The following GTSF1 variants were observed in gnomAD, a reference collection of about 807,000 sequenced individuals.
The protein encoded by GTSF1 is gametocyte specific factor 1.
GTSF1 carries 11 observed loss-of-function variants against 28.9 expected under a neutral mutation model. That is an observed-to-expected ratio of 0.38 (90% CI 0.24 to 0.63). GTSF1 has a LOEUF of 0.63. Among genes scored for constraint, GTSF1 ranks in the 30% least tolerant of loss-of-function variants. GTSF1 has a pLI of 0.56. For missense variants in GTSF1, 146 were observed against 201.0 expected (o/e 0.73, Z 1.66); for synonymous variants, 69 against 65.6 (o/e 1.05, Z -0.25).
At chr12:54,460,914 T>G (rs920678961) in intron 6 of GTSF1, among the ~76,000 whole-genome samples, 4 of 152,242 alleles carry the variant, frequency 2.6e-5, no homozygotes, top group African/African-American at 9.6e-5. Context: ...TAGTATACAC[T>G]TAAAATTATT....
chr12:54,459,283 C>A, intron 7 of GTSF1, 158 bp from the exon 8 acceptor site: 1 of 1,435,858 alleles, frequency 7.0e-7, no homozygotes. Context: ...CATTCAAGAG[C>A]ATGGGAAAAG....
chr12:54,459,031 G>T, intron 8 of GTSF1, 58 bp downstream of exon 8: 4 of 1,234,218 alleles, frequency 3.2e-6, no homozygotes, highest in Non-Finnish European at 4.6e-6. Flanking sequence ...ATTGCTTTAT[G>T]TCCAGTTAAA....
At chr12:54,471,170 T>C (rs2120805158) in intron 2 of GTSF1, 63 bp downstream of exon 2, 3 of 1,312,504 alleles carry the variant, frequency 2.3e-6, no homozygotes, top group East Asian at 5.2e-5. Context: ...AAAAGTCTTG[T>C]CAGATATAAA....
At chr12:54,472,445 CAG>C (rs1199604556) in intron 1 of GTSF1, 1 of 152,186 alleles carries the variant, frequency 6.6e-6, no homozygotes, top group Non-Finnish European at 1.5e-5. Flanking sequence ...TTATGGATAA[CAG>C]AGTCACAAGA....
chr12:54,465,268 T>C, intron 2 of GTSF1, 101 bp from the exon 3 acceptor site: 4 of 654,592 alleles, frequency 6.1e-6, no homozygotes, highest in South Asian at 1.9e-5. Flanking sequence ...TCTGTAATAA[T>C]AGAACAATAT....
intron 3 of GTSF1, among the ~76,000 whole-genome samples, chr12:54,464,504 CA>C (rs1956477919): frequency 6.6e-6 from 1 of 152,016 alleles, no homozygotes; most frequent in Admixed American, 6.6e-5. Flanking sequence ...ACAACATTGT[CA>C]AAATGTCTCA....
At chr12:54,463,730 T>A (rs774899853) in intron 3 of GTSF1, among the ~76,000 whole-genome samples, 3 of 152,158 alleles carry the variant, frequency 2.0e-5, no homozygotes, top group Admixed American at 6.5e-5. Context: ...TGCAGTAGTG[T>A]CCCTGCTATT....
At chr12:54,471,970 G>A (rs916916402) in intron 1 of GTSF1, 12 of 152,324 alleles carry the variant, frequency 7.9e-5, no homozygotes, top group African/African-American at 2.4e-4. Flanking sequence ...GCAAAGGCAG[G>A]CAGATCACTT....
intron 8 of GTSF1, among the ~76,000 whole-genome samples, chr12:54,457,389 T>C (rs1956349888): frequency 6.6e-6 from 1 of 152,226 alleles, no homozygotes; most frequent in Non-Finnish European, 1.5e-5. Flanking sequence ...TTGTATAGCA[T>C]ATCAGAGAGG....
intron 6 of GTSF1, 116 bp from the exon 7 acceptor site, chr12:54,460,587 C>G (rs1956406178): frequency 1.5e-6 from 1 of 662,890 alleles, no homozygotes; most frequent in Non-Finnish European, 2.7e-6. Context: ...CTACATTCAT[C>G]TGAAATGTAA....
At chr12:54,471,502 C>T (rs529432172) in intron 1 of GTSF1, among the ~76,000 whole-genome samples, 2 of 152,126 alleles carry the variant, frequency 1.3e-5, no homozygotes, top group South Asian at 2.1e-4. Context: ...CTAGGGCCTA[C>T]CAAATAGTTA....
At chr12:54,465,406 T>C (rs1262189963) in intron 2 of GTSF1, among the ~76,000 whole-genome samples, 2 of 152,154 alleles carry the variant, frequency 1.3e-5, no homozygotes, top group Non-Finnish European at 2.9e-5. Flanking sequence ...ACTGAACATA[T>C]TGTTTTTGTT....
chr12:54,460,544 T>A, intron 6 of GTSF1, 73 bp from the exon 7 acceptor site: 1 of 989,938 alleles, frequency 1.0e-6, no homozygotes, highest in South Asian at 1.4e-5. Flanking sequence ...ATAATCAAAA[T>A]GTGTTTTTTG....
At chr12:54,461,870 G>A (rs1956428349) in intron 6 of GTSF1, among the ~76,000 whole-genome samples, 1 of 152,148 alleles carries the variant, frequency 6.6e-6, no homozygotes, top group Admixed American at 6.6e-5. Context: ...AAAGTCTGGG[G>A]CTACTGTTTC....
At chr12:54,462,021 G>A (rs1198338493) in intron 6 of GTSF1, 88 bp downstream of exon 6, 2 of 876,750 alleles carry the variant, frequency 2.3e-6, no homozygotes, top group African/African-American at 3.3e-5. Flanking sequence ...GTTAAAGAAA[G>A]TGGTCAATTC....
chr12:54,464,529 G>A (rs1238307794), intron 3 of GTSF1, among the ~76,000 whole-genome samples: 1 of 152,096 alleles, frequency 6.6e-6, no homozygotes, highest in Non-Finnish European at 1.5e-5. Flanking sequence ...AAGGTAGCAT[G>A]AAAGTAGTTT....
Position 54,463,617 on chromosome 12 carries a change from A to G in GTSF1, c.118-320T>C, listed in dbSNP as rs74089995. Among the ~76,000 whole-genome samples, 336 of 152,320 alleles carry G rather than the reference A, an allele frequency of 2.2e-3. 2 individuals are homozygous for G. The highest frequency in any genetic ancestry group is 7.8e-3 in the African/African-American group (325 of 41,568). On this transcript the variant is annotated intron_variant, in intron 3 of 8. Coordinates refer to ENST00000305879, the MANE Select transcript of GTSF1 (RefSeq NM_144594.3). ...TCCCCCATTTATTTCTCAGAGTCAC[A>G]TGATTCAGGCAGCACAGCCCGTAAT... is the stretch of plus-strand genomic sequence containing the variant.
At chr12:54,463,495 CA>C (rs2120757791) in intron 3 of GTSF1, among the ~76,000 whole-genome samples, 198 bp from the exon 4 acceptor site, 1 of 152,252 alleles carries the variant, frequency 6.6e-6, no homozygotes, top group Admixed American at 6.5e-5. Flanking sequence ...TCAAAATCAT[CA>C]AAACATAAGT....
chr12:54,465,675 T>C (rs569910309), intron 2 of GTSF1, among the ~76,000 whole-genome samples: 3 of 152,114 alleles, frequency 2.0e-5, no homozygotes, highest in Non-Finnish European at 4.4e-5. Context: ...TAATACTTGC[T>C]ATTACTAGTA....
Sources: allele counts gnomAD v4.1 joint callset (sites outside exome capture counted in the v4.1 genomes callset), GRCh38; gene constraint gnomAD v4.1.1; transcripts MANE v1.5; gene names NCBI Gene and HGNC (gene_info 2026-07-23, HGNC 2026-07-21).